The following TARBP1 variants were observed in gnomAD, a reference collection of about 807,000 sequenced individuals.
TARBP1 encodes tRNA guanosine 2 -O-methyltransferase TARBP1, also known as tRNA (guanosine(18)-2'-O)-methyltransferase TARBP1.
Under a neutral mutation model 178.6 loss-of-function variants are expected in TARBP1, and 144 were observed. The ratio of observed to expected loss-of-function variants is 0.81; its 90% CI spans 0.70 to 0.93. The LOEUF (loss-of-function observed/expected upper bound fraction) is 0.93, where lower values mean the gene tolerates loss of function less well. TARBP1 is among the 40% of genes least tolerant of loss of function. The pLI is 0.00. For missense variants in TARBP1, 2,067 were observed against 2,011.7 expected (o/e 1.03, Z -0.53); for synonymous variants, 787 against 781.0 (o/e 1.01, Z -0.13).
At chr1:234,393,284 TAAAC>T in intron 28 of TARBP1, 74 bp downstream of exon 28, 1 of 1,322,270 alleles carries the variant, frequency 7.6e-7, no homozygotes, top group African/African-American at 1.5e-5. Flanking sequence ...AACTTTTTTT[TAAAC>T]TTTTATTTTA....
In TARBP1 at chr1:234,427,481, C is replaced by G. The variant is rs983569913; in HGVS notation, c.3252-93G>C. 20 of 1,440,596 alleles carry G rather than the reference C, an allele frequency of 1.4e-5. 1 individual carries two copies. In the African/African-American group the frequency reaches 2.8e-4, roughly 20 times the overall value. 89.2% of individuals were successfully genotyped at this position (1,440,596 alleles called of 1,614,324 possible). A position where few individuals can be genotyped will look rare whatever the true frequency, so the allele number is the denominator to read the frequency against. ...TTAAAGTTAACTAATAATTTATATT[C>G]TTTTAATTGAAAGCCTCAAAACAAA... On this transcript the variant is annotated intron_variant, in intron 18 of 29. Coordinates refer to ENST00000040877, the MANE Select transcript of TARBP1 (RefSeq NM_005646.4).
At chr1:234,419,038 G>C (rs1191645577) in intron 21 of TARBP1, among the ~76,000 whole-genome samples, 1 of 152,050 alleles carries the variant, frequency 6.6e-6, no homozygotes, top group East Asian at 1.9e-4. Context: ...CGGGTGAGGT[G>C]GTGGGCGCCT....
At chr1:234,448,692 A>C (rs1002694341) in intron 10 of TARBP1, 113 bp from the exon 11 acceptor site, 2 of 780,564 alleles carry the variant, frequency 2.6e-6, no homozygotes, top group Admixed American at 2.3e-5. Context: ...TATGAGAGAA[A>C]TACAACCGAG....
At chr1:234,438,968 C>G (rs1665311489) in intron 12 of TARBP1, among the ~76,000 whole-genome samples, 1 of 152,130 alleles carries the variant, frequency 6.6e-6, no homozygotes, top group Non-Finnish European at 1.5e-5. Context: ...AATGGAACAG[C>G]ATTTTTAAAC....
rs751599189 is a variant in TARBP1 at position 234,446,941 on chromosome 1, A to G, written c.1996T>C (p.Phe666Leu). Reference sequence around the variant, plus strand: ...AGCACATCCAGAAGAGGGTCTAAGAATATCCGCAATACATTCTCTGTTCTC... The same window carrying G: ...AGCACATCCAGAAGAGGGTCTAAGAGTATCCGCAATACATTCTCTGTTCTC... ...KQRTENVLRI[F>L]LDPLLDVLMK... The change falls in exon 12 of 30, where the codon TTC (phenylalanine) becomes CTC (leucine). Residue 666 changes from phenylalanine to leucine, a missense_variant. Phe to Leu is a conservative substitution (Grantham distance 22, BLOSUM62 0). Coordinates refer to ENST00000040877, the MANE Select transcript of TARBP1 (RefSeq NM_005646.4). 14 of 1,613,884 alleles carry G rather than the reference A, an allele frequency of 8.7e-6. 1 individual carries two copies. The South Asian group carries it at 1.4e-4, about 16-fold the overall frequency.
rs1669812085 is a variant in TARBP1 at position 234,478,580 on chromosome 1, C to T, written c.524G>A (p.Gly175Asp). 2 of 1,292,326 alleles carry T rather than the reference C, an allele frequency of 1.5e-6. No individual in the cohort carries two copies. The highest frequency in any genetic ancestry group is 2.2e-5 in the South Asian group (1 of 46,332). The allele number at this position is 1,292,326 out of a possible 1,614,324, so 80.1% of individuals were successfully genotyped here. The part of the protein sequence containing the change: ...GTAVALALGG[G>D]GDGDEAGPAE... ...AGGCCCGGCCTCATCCCCGTCCCCG[C>T]CCCCGCCCAGCGCCAGGGCGACGGC... The change falls in exon 1 of 30, where the codon GGC becomes GAC. Residue 175 changes from glycine to aspartate, a missense_variant. Gly to Asp is a moderately conservative substitution (Grantham distance 94). Transcript: ENST00000040877.
chr1:234,437,398 C>T (rs570417957), intron 12 of TARBP1, 26 bp from the exon 13 acceptor site: 2 of 1,227,758 alleles, frequency 1.6e-6, no homozygotes, highest in South Asian at 1.5e-5. Flanking sequence ...AAGCATGCAA[C>T]TAAAATGACA....
intron 4 of TARBP1, among the ~76,000 whole-genome samples, chr1:234,467,298 C>A (rs12139913): frequency 6.6e-6 from 1 of 152,160 alleles, no homozygotes; most frequent in Non-Finnish European, 1.5e-5. Context: ...TACTTTTTCA[C>A]AATGGTAATA....
At chr1:234,458,887 A>T (rs1479170078) in intron 8 of TARBP1, among the ~76,000 whole-genome samples, 2 of 152,182 alleles carry the variant, frequency 1.3e-5, no homozygotes, top group Non-Finnish European at 2.9e-5. Flanking sequence ...TTTTCCTGGG[A>T]CGTGGTCATG....
In TARBP1 at chr1:234,446,946, C is replaced by T. The variant is rs200301207; in HGVS notation, c.1991G>A (p.Arg664Gln). ...SGKQRTENVL[R>Q]IFLDPLLDVL... is the part of the protein sequence containing the mutation. ...ATCCAGAAGAGGGTCTAAGAATATCCGCAATACATTCTCTGTTCTCTGCTT... is the reference window on the plus strand; with the variant it reads ...ATCCAGAAGAGGGTCTAAGAATATCTGCAATACATTCTCTGTTCTCTGCTT... Residue 664 changes from arginine to glutamine, a missense_variant, in exon 12 of 30, where the codon CGG (arginine) becomes CAG (glutamine). Transcript: ENST00000040877. 1.5e-5 allele frequency: 25 copies of T among 1,613,494 alleles called. No individual in the cohort carries two copies. The highest frequency in any genetic ancestry group is 1.3e-4 in the East Asian group (6 of 44,830).
chr1:234,427,896 A>G (rs1663965810), intron 17 of TARBP1, 130 bp from the exon 18 acceptor site: 2 of 518,432 alleles, frequency 3.9e-6, no homozygotes, highest in African/African-American at 4.0e-5. Flanking sequence ...TACTGTTAGA[A>G]TAACTTTGCG....
chr1:234,392,693 T>C, intron 28 of TARBP1, 141 bp from the exon 29 acceptor site: 3 of 602,082 alleles, frequency 5.0e-6, no homozygotes, highest in Admixed American at 7.2e-5. Context: ...AAAAGAACTC[T>C]CCCAACATGA....
chr1:234,408,451 C>A (rs1661487065), intron 23 of TARBP1, among the ~76,000 whole-genome samples: 1 of 152,182 alleles, frequency 6.6e-6, no homozygotes, highest in South Asian at 2.1e-4. Context: ...TGTCTGGGGA[C>A]TAGATTTCCT....
In TARBP1 at chr1:234,433,541, G is replaced by C. The variant is rs1208402576; in HGVS notation, c.2263C>G (p.Leu755Val). 2.5e-6 allele frequency: 4 copies of C among 1,613,316 alleles called. No homozygotes were observed. In the South Asian group the frequency reaches 4.4e-5, roughly 18 times the overall value. The change falls in exon 14 of 30, where the codon CTG becomes GTG. Residue 755 changes from leucine (L) to valine (V), a missense_variant. By Grantham distance (32) the Leu-to-Val change is conservative (BLOSUM62 1). Transcript: ENST00000040877. ...TTTATAAGCTCAGTTAACACCATCA[G>C]GTATAAATGGCAACGATCCAGATCT... ...VSDLDRCHLY[L>V]MVLTELINLH...
At position 234,450,024 on chromosome 1, in the gene TARBP1, T is replaced by C. The variant is rs973284081; in HGVS notation, c.1861+404A>G. Among the ~76,000 whole-genome samples, 4 of 152,208 alleles carry C rather than the reference T, an allele frequency of 2.6e-5. No individual in the cohort carries two copies. The East Asian group carries it at 5.8e-4, about 22-fold the overall frequency. On this transcript the variant is annotated intron_variant, in intron 10 of 29. Transcript: ENST00000040877. ...AAAATTGTTTTTCATAATCAGTTCA[T>C]ACTAAACGTGCTTTAAAAATGAAAA...
rs1208584518 is a variant in TARBP1 at position 234,478,982 on chromosome 1, T to C, written c.122A>G (p.Gln41Arg). The C allele has an allele frequency of 6.0e-6, 9 of 1,488,482 alleles. No individual in the cohort carries two copies. Among genetic ancestry groups the C allele is most frequent in the Admixed American group, 4.7e-5 (2 of 42,962 alleles). 92.2% of individuals were successfully genotyped at this position (1,488,482 alleles called of 1,614,324 possible). A position where few individuals can be genotyped will look rare whatever the true frequency, so the allele number is the denominator to read the frequency against. The change falls in exon 1 of 30, where the codon CAG (glutamine) becomes CGG (arginine). Residue 41 changes from glutamine to arginine, a missense_variant. Gln to Arg is a conservative substitution (Grantham distance 43). Coordinates refer to ENST00000040877, the MANE Select transcript of TARBP1 (RefSeq NM_005646.4). Reference protein sequence around the residue: ...ERVETLRFLLQRLEDEEARGS... With the variant: ...ERVETLRFLLRRLEDEEARGS... Reference sequence around the variant, plus strand: ...GCGCGCCTCCTCGTCCTCGAGCCGCTGCAGAAGGAAGCGCAGCGTCTCCAC... The same window carrying C: ...GCGCGCCTCCTCGTCCTCGAGCCGCCGCAGAAGGAAGCGCAGCGTCTCCAC...
intron 10 of TARBP1, 107 bp downstream of exon 10, chr1:234,450,321 A>T (rs1666620712): frequency 1.2e-5 from 10 of 824,748 alleles, no homozygotes; most frequent in Non-Finnish European, 1.8e-5. Context: ...GGCATCAATA[A>T]ATCATCATAT....
intron 2 of TARBP1, among the ~76,000 whole-genome samples, chr1:234,472,328 C>CAAA (rs1669139111): frequency 3.0e-5 from 1 of 33,886 alleles, no homozygotes. Flanking sequence ...GACTCTGTCT[C>CAAA]CAAAAAAAAA....
intron 26 of TARBP1, 142 bp from the exon 27 acceptor site, chr1:234,393,979 TA>T (rs1285999303): frequency 5.6e-6 from 4 of 709,360 alleles, no homozygotes; most frequent in Non-Finnish European, 8.4e-6. Context: ...AAGCATTAAG[TA>T]AAAAACTTTA....
Sources: gnomAD v4.1 joint callset for allele counts (sites outside exome capture counted in the v4.1 genomes callset) on GRCh38, gnomAD v4.1.1 for gene constraint, MANE v1.5 for transcripts, NCBI Gene and HGNC (gene_info 2026-07-23, HGNC 2026-07-21) for gene names.